NAV1: variants seen among roughly 807,000 people sequenced by gnomAD.
NAV1 encodes the protein neuron navigator 1, also known as pore membrane and/or filament interacting like protein 3.
Under a neutral mutation model 175.2 loss-of-function variants are expected in NAV1, and 18 were observed. The observed-to-expected ratio is 0.10, with a 90% CI of 0.07 to 0.15. The LOEUF is 0.15. NAV1 is among the 10% of genes least tolerant of loss of function. The probability of loss-of-function intolerance (pLI) is 1.00; values close to 1 mark genes in which losing one functional copy is unlikely to be tolerated. For missense variants in NAV1, 1,731 were observed against 2,436.6 expected (o/e 0.71, Z 6.10); for synonymous variants, 897 against 978.7 (o/e 0.92, Z 1.56).
intron 1 of NAV1, 126 bp downstream of exon 5, chr1:201,649,551 G>A (rs1286579173): frequency 2.2e-6 from 3 of 1,393,036 alleles, no homozygotes; most frequent in African/African-American, 2.9e-5. Context: ...TTCACGATCA[G>A]GCTGTGATGG....
chr1:201,624,510 A>T (rs1488240370), intron 1 of NAV1, among the ~76,000 whole-genome samples: 5 of 149,614 alleles, frequency 3.3e-5, no homozygotes, highest in Non-Finnish European at 7.4e-5. Flanking sequence ...CACCTGGCTA[A>T]TTTTTTTTTG....
chr1:201,771,500 GAAAAAAAAAA>G (rs55864064), intron 3 of NAV1, among the ~76,000 whole-genome samples: 2 of 86,838 alleles, frequency 2.3e-5, no homozygotes, highest in Admixed American at 1.2e-4. Flanking sequence ...ACTTCGTCTA[GAAAAAAAAAA>G]AAAAAAAAAA....
At chr1:201,814,996 C>T (rs1249205332) in intron 28 of NAV1, among the ~76,000 whole-genome samples, 5 of 147,214 alleles carry the variant, frequency 3.4e-5, no homozygotes, top group African/African-American at 7.5e-5. Context: ...CCGAGATCAC[C>T]GCCACTGCAC....
chr1:201,690,967 A>G (rs1670907743), intron 1 of NAV1, among the ~76,000 whole-genome samples: 1 of 152,182 alleles, frequency 6.6e-6, no homozygotes, highest in Non-Finnish European at 1.5e-5. Context: ...AACTCCAGAT[A>G]TTATAATACA....
At chr1:201,748,678 A>T (rs1324982175) in intron 3 of NAV1, among the ~76,000 whole-genome samples, 1 of 152,198 alleles carries the variant, frequency 6.6e-6, no homozygotes, top group Non-Finnish European at 1.5e-5. Context: ...AGCAGCTTTG[A>T]TCCCCAGAGA....
At chr1:201,696,457 G>A (rs951764393) in intron 1 of NAV1, among the ~76,000 whole-genome samples, 1 of 152,314 alleles carries the variant, frequency 6.6e-6, no homozygotes, top group East Asian at 1.9e-4. Flanking sequence ...GAGGAGAAAG[G>A]GCTCCCTCGA....
intron 1 of NAV1, among the ~76,000 whole-genome samples, chr1:201,571,065 G>A (rs1352513451): frequency 1.3e-5 from 2 of 152,220 alleles, no homozygotes; most frequent in South Asian, 2.1e-4. Flanking sequence ...TATCAGCCCC[G>A]CCAGGTCTGG....
exon 1 of NAV1, chr1:201,648,427 G>C: frequency 2.9e-6 from 3 of 1,034,214 alleles, no homozygotes; most frequent in Non-Finnish European, 2.3e-6. Context: ...ATCGCTCCCC[G>C]GCTTCCCTGC....
intron 1 of NAV1, among the ~76,000 whole-genome samples, chr1:201,697,324 G>C (rs1558075674): frequency 1.3e-5 from 2 of 152,202 alleles, no homozygotes; most frequent in Non-Finnish European, 2.9e-5. Flanking sequence ...CAGGGAGGCA[G>C]CCAGGCAGGG....
chr1:201,727,354 G>A lies in NAV1; in HGVS notation c.1226+8599G>A, dbSNP rs556650272. Among the ~76,000 whole-genome samples, 12 of 152,318 alleles carry A rather than the reference G, an allele frequency of 7.9e-5. No homozygotes were observed. In the South Asian group the frequency reaches 2.5e-3, roughly 32 times the overall value. On this transcript the variant is annotated intron_variant, in intron 3 of 29. Coordinates refer to ENST00000367296, the Ensembl canonical transcript of NAV1. ...AATGACATAATAAGTTGTTTGCCAA[G>A]AAAGATGGATTTGTTTTGACCCATT...
chr1:201,755,640 T>C (rs1674408135), intron 3 of NAV1, among the ~76,000 whole-genome samples: 1 of 152,164 alleles, frequency 6.6e-6, no homozygotes, highest in Non-Finnish European at 1.5e-5. Context: ...CAATTTTAGT[T>C]AGAGGCTGCA....
chr1:201,601,429 G>A (rs756716505), intron 2 of NAV1, among the ~76,000 whole-genome samples: 1 of 152,186 alleles, frequency 6.6e-6, no homozygotes, highest in African/African-American at 2.4e-5. Context: ...GCTGCAGTGA[G>A]CTGTGATCAC....
chr1:201,620,052 T>A (rs570479616), upstream of NAV1, among the ~76,000 whole-genome samples: 1 of 152,338 alleles, frequency 6.6e-6, no homozygotes, highest in East Asian at 1.9e-4. Context: ...AAGCCCTGGC[T>A]CTCATGGTCA....
chr1:201,689,327 A>G (rs934865650), intron 1 of NAV1, among the ~76,000 whole-genome samples: 2 of 152,204 alleles, frequency 1.3e-5, no homozygotes, highest in African/African-American at 4.8e-5. Context: ...GGACAGTTTT[A>G]TAGGTTGCTT....
At chr1:201,712,757 C>A in intron 1 of NAV1, 60 bp from the exon 6 acceptor site, 1 of 1,203,852 alleles carries the variant, frequency 8.3e-7, no homozygotes, top group East Asian at 2.3e-5. Flanking sequence ...CTTCCTGACC[C>A]CCAGGATCCC....
chr1:201,717,128 A>G, intron 2 of NAV1, among the ~76,000 whole-genome samples: 1 of 152,224 alleles, frequency 6.6e-6, no homozygotes, highest in Non-Finnish European at 1.5e-5. Context: ...CAATAGAGAC[A>G]ACTTTGGAAA....
intron 1 of NAV1, among the ~76,000 whole-genome samples, chr1:201,700,099 A>C (rs1387450330): frequency 6.6e-6 from 1 of 152,268 alleles, no homozygotes; most frequent in Non-Finnish European, 1.5e-5. Flanking sequence ...ATGGGATCTA[A>C]TTAAGCTAAA....
At chr1:201,716,292 G>A (rs58946968) in intron 2 of NAV1, among the ~76,000 whole-genome samples, 1,884 of 152,280 alleles carry the variant, frequency 0.012, 34 homozygotes, top group African/African-American at 0.043. Context: ...TGCACAGGGC[G>A]CTGGACTGAG....
intron 1 of NAV1, among the ~76,000 whole-genome samples, chr1:201,688,652 C>T (rs1670777359): frequency 6.6e-6 from 1 of 152,100 alleles, no homozygotes; most frequent in South Asian, 2.1e-4. Context: ...CCGCCCCCAT[C>T]GAAAATAATT....
Sources: gnomAD v4.1 joint callset for allele counts (sites outside exome capture counted in the v4.1 genomes callset) on GRCh38, gnomAD v4.1.1 for gene constraint, MANE v1.5 for transcripts, NCBI Gene and HGNC (gene_info 2026-07-23, HGNC 2026-07-21) for gene names.